HMGCLL1: variants seen among roughly 807,000 people sequenced by gnomAD.
HMGCLL1 encodes the protein 3-hydroxymethyl-3-methylglutaryl-CoA lyase, cytoplasmic.
HMGCLL1 carries 36 observed loss-of-function variants against 39.1 expected under a neutral mutation model. That is an observed-to-expected ratio of 0.92 (90% confidence interval 0.71 to 1.22). The LOEUF is 1.22. Among genes scored for constraint, HMGCLL1 ranks in the 50% most tolerant of loss-of-function variants. HMGCLL1 has a pLI of 0.00. For missense variants in HMGCLL1, 451 were observed against 416.5 expected (o/e 1.08, Z -0.72); for synonymous variants, 149 against 144.0 (o/e 1.03, Z -0.25).
intron 1 of HMGCLL1, among the ~76,000 whole-genome samples, chr6:55,574,361 A>G (rs751144544): frequency 6.6e-5 from 10 of 151,944 alleles, no homozygotes; most frequent in Non-Finnish European, 1.2e-4. Context: ...CATATAGATA[A>G]TAAGTATATA....
At chr6:55,581,253 T>C (rs116446803), upstream of HMGCLL1, among the ~76,000 whole-genome samples, 754 of 152,282 alleles carry the variant, frequency 5.0e-3, 9 homozygotes, top group African/African-American at 0.017. Context: ...AAATTTCATA[T>C]ACCAATTAGT....
the HMGCLL1 span, among the ~76,000 whole-genome samples, chr6:55,598,880 G>A: frequency 6.6e-6 from 1 of 152,122 alleles, no homozygotes. Flanking sequence ...CAAAATGCAA[G>A]AGTAAATTTT....
At chr6:55,625,324 G>A in the HMGCLL1 span, among the ~76,000 whole-genome samples, 2 of 152,056 alleles carry the variant, frequency 1.3e-5, no homozygotes, top group East Asian at 1.9e-4. Flanking sequence ...GAATGGAAGT[G>A]GTGTATAAGT....
chr6:55,435,610 G>T lies in HMGCLL1; in HGVS notation c.*52C>A. On this transcript the variant is annotated 3_prime_UTR_variant, in exon 9 of 9. Coordinates refer to ENST00000274901, the MANE Select transcript of HMGCLL1 (RefSeq NM_001042406.2). ...GTTGGCATTAATGATTTTCAGATGA[G>T]TATTGTAGCTGAAATTGATCTTCTC... The T allele has an allele frequency of 1.0e-6, 1 of 988,200 alleles. No individual in the cohort carries two copies. The highest frequency in any genetic ancestry group is 2.6e-5 in the East Asian group (1 of 38,924). The allele number at this position is 988,200 out of a possible 1,614,324, so 61.2% of individuals were successfully genotyped here.
chr6:55,638,453 A>G, the HMGCLL1 span, among the ~76,000 whole-genome samples: 1 of 152,052 alleles, frequency 6.6e-6, no homozygotes, highest in Non-Finnish European at 1.5e-5. Context: ...AGACACATCT[A>G]TTTTAAGAAA....
the HMGCLL1 span, among the ~76,000 whole-genome samples, chr6:55,645,118 CT>C: frequency 6.6e-6 from 1 of 151,752 alleles, no homozygotes; most frequent in Non-Finnish European, 1.5e-5. Flanking sequence ...ACTTTTACTT[CT>C]TTTTTTAAGT....
chr6:55,559,777 G>T (rs1770847472), intron 1 of HMGCLL1, among the ~76,000 whole-genome samples: 2 of 152,150 alleles, frequency 1.3e-5, no homozygotes, highest in Admixed American at 1.3e-4. Context: ...ACCTCTCAGG[G>T]ATGATTATGA....
chr6:55,640,102 T>C, the HMGCLL1 span, among the ~76,000 whole-genome samples: 1 of 150,142 alleles, frequency 6.7e-6, no homozygotes, highest in East Asian at 2.0e-4. Context: ...GAAAGAAAGA[T>C]TAAGAAAAAG....
chr6:55,644,119 C>T, the HMGCLL1 span, among the ~76,000 whole-genome samples: 1 of 151,988 alleles, frequency 6.6e-6, no homozygotes, highest in African/African-American at 2.4e-5. Flanking sequence ...GAGATGATTA[C>T]TCATTGTAGT....
chr6:55,512,395 C>T (rs1476834045), intron 5 of HMGCLL1: 1 of 151,938 alleles, frequency 6.6e-6, no homozygotes, highest in African/African-American at 2.4e-5. Flanking sequence ...AATTGAGAAA[C>T]CAATAGTATA....
chr6:55,623,525 G>A, the HMGCLL1 span, among the ~76,000 whole-genome samples: 1 of 151,396 alleles, frequency 6.6e-6, no homozygotes, highest in East Asian at 1.9e-4. Flanking sequence ...AGAGCATAAT[G>A]TTTGATGTTC....
intron 3 of HMGCLL1, 120 bp downstream of exon 3, chr6:55,541,609 T>G: frequency 1.6e-6 from 1 of 610,002 alleles, no homozygotes; most frequent in Non-Finnish European, 2.9e-6. Flanking sequence ...GTCCACAGGT[T>G]AATATTTTGA....
the HMGCLL1 span, among the ~76,000 whole-genome samples, chr6:55,656,716 T>C: frequency 1.1e-4 from 17 of 152,102 alleles, no homozygotes; most frequent in African/African-American, 4.1e-4. Context: ...CTATCGAAGG[T>C]TTCTTTTTTT....
intron 7 of HMGCLL1, among the ~76,000 whole-genome samples, chr6:55,483,191 T>C (rs1196285360): frequency 2.0e-5 from 3 of 152,180 alleles, no homozygotes; most frequent in Non-Finnish European, 2.9e-5. Flanking sequence ...ATATAATGGA[T>C]ATTTGGGGGA....
chr6:55,475,849 T>C (rs936666675), intron 7 of HMGCLL1, among the ~76,000 whole-genome samples: 1 of 151,658 alleles, frequency 6.6e-6, no homozygotes, highest in African/African-American at 2.4e-5. Flanking sequence ...GAAAAGATCA[T>C]GCTTTTCTCA....
At chr6:55,486,651 G>A (rs76902069) in intron 7 of HMGCLL1, among the ~76,000 whole-genome samples, 4,389 of 151,836 alleles carry the variant, frequency 0.029, 208 homozygotes, top group African/African-American at 0.1. Context: ...TTTTATCACC[G>A]TCACCTTACA....
chr6:55,547,720 G>A (rs1770072819), intron 1 of HMGCLL1, among the ~76,000 whole-genome samples: 1 of 151,958 alleles, frequency 6.6e-6, no homozygotes, highest in Admixed American at 6.6e-5. Context: ...GGGCATTAGA[G>A]ATCAGCTTTT....
Position 55,462,290 on chromosome 6 carries a change from T to C in HMGCLL1, c.796-22731A>G, listed in dbSNP as rs537751301. Reference sequence around the variant, plus strand: ...GACCTTCCCTTTCTTAAAATTCTCATCTTTATCTGTTGCAACTACATACGA... The same window carrying C: ...GACCTTCCCTTTCTTAAAATTCTCACCTTTATCTGTTGCAACTACATACGA... On this transcript the variant is annotated intron_variant, in intron 7 of 8. Transcript: ENST00000274901. Among the ~76,000 whole-genome samples the C allele has an allele frequency of 7.3e-4, 111 of 152,152 alleles. 1 individual carries two copies. Among genetic ancestry groups the C allele is most frequent in the Non-Finnish European group, 1.2e-3 (81 of 68,020 alleles).
At chr6:55,581,469 C>T (rs1363792166), upstream of HMGCLL1, among the ~76,000 whole-genome samples, 3 of 151,858 alleles carry the variant, frequency 2.0e-5, no homozygotes, top group South Asian at 2.1e-4. Flanking sequence ...TGTGATTTTA[C>T]TGGTAAGTAA....
Sources: gnomAD v4.1 joint callset for allele counts (sites outside exome capture counted in the v4.1 genomes callset) on GRCh38, gnomAD v4.1.1 for gene constraint, MANE v1.5 for transcripts, NCBI Gene and HGNC (gene_info 2026-07-23, HGNC 2026-07-21) for gene names.